The following ITGB6 variants were observed in gnomAD, a reference collection of about 807,000 sequenced individuals.
ITGB6 encodes integrin subunit beta 6.
ITGB6 carries 80 observed loss-of-function variants against 84.5 expected under a neutral mutation model. The observed-to-expected ratio is 0.95, with a 90% CI of 0.79 to 1.14. ITGB6 has a LOEUF of 1.14. ITGB6 is among the 50% of genes most tolerant of loss of function. The pLI, the probability that ITGB6 is intolerant of heterozygous loss-of-function variation, is 0.00. For missense variants in ITGB6, 1,006 were observed against 968.0 expected (o/e 1.04, Z -0.52); for synonymous variants, 383 against 354.9 (o/e 1.08, Z -0.89).
chr2:160,108,214 A>AGTGTGTGTGT (rs57363305), intron 13 of ITGB6, among the ~76,000 whole-genome samples: 8,455 of 142,696 alleles, frequency 0.059, 360 homozygotes, highest in African/African-American at 0.11. Context: ...GCAGAAATGG[A>AGTGTGTGTGT]GTGTGTGTGT....
intron 11 of ITGB6, among the ~76,000 whole-genome samples, chr2:160,124,818 A>G (rs1299145768): frequency 2.0e-5 from 3 of 152,210 alleles, no homozygotes; most frequent in Non-Finnish European, 4.4e-5. Flanking sequence ...GTTCCTTTGC[A>G]GTGGAAGCCT....
intron 4 of ITGB6, among the ~76,000 whole-genome samples, chr2:160,177,092 TG>T (rs1302365506): frequency 6.6e-6 from 1 of 152,192 alleles, no homozygotes; most frequent in Non-Finnish European, 1.5e-5. Context: ...ATGGCATCAT[TG>T]TTTTTTTTAA....
intron 13 of ITGB6, among the ~76,000 whole-genome samples, chr2:160,111,047 G>A (rs1574036351): frequency 2.0e-5 from 3 of 152,062 alleles, no homozygotes; most frequent in Admixed American, 6.5e-5. Context: ...AGAATGGCAT[G>A]TTGTGGTGCC....
chr2:160,182,005 C>A (rs1269431917), intron 4 of ITGB6, among the ~76,000 whole-genome samples: 1 of 152,088 alleles, frequency 6.6e-6, no homozygotes, highest in Non-Finnish European at 1.5e-5. Flanking sequence ...CATAAAATAC[C>A]AAAGGTAGAT....
intron 4 of ITGB6, among the ~76,000 whole-genome samples, chr2:160,187,295 C>T (rs1257788189): frequency 6.6e-6 from 1 of 152,066 alleles, no homozygotes; most frequent in African/African-American, 2.4e-5. Flanking sequence ...CAAAATCACA[C>T]ATTGGTTAAA....
rs745898382 is a variant in ITGB6, at chr2:160,126,564, C to A, written c.1698G>T (p.Arg566Ser). The change falls in exon 11 of 15, where the codon AGG becomes AGT. Residue 566 changes from arginine (R) to serine (S), a missense_variant. Arg to Ser is a moderately radical substitution (Grantham distance 110). Coordinates refer to ENST00000283249, the MANE Select transcript of ITGB6 (RefSeq NM_000888.5). ...TGCAGTACTCGCCAGTCCAGCCGCTCCTGCACACACATTCACCACAGTCAC... is the reference window on the plus strand; with the variant it reads ...TGCAGTACTCGCCAGTCCAGCCGCTACTGCACACACATTCACCACAGTCAC... ...GDCDCGECVC[R>S]SGWTGEYCNC... 1 of 1,613,848 alleles carries A rather than the reference C, an allele frequency of 6.2e-7. No homozygotes were observed. The highest frequency in any genetic ancestry group is 2.2e-5 in the East Asian group (1 of 44,878).
Position 160,200,123 on chromosome 2 carries a change from A to G in ITGB6, c.-60T>C, listed in dbSNP as rs1686501633. ...AATGAATTACCTTCAGCGTTACAAGACCAACGCTGAATATCGTTAAAGTCT... is the reference window on the plus strand; with the variant it reads ...AATGAATTACCTTCAGCGTTACAAGGCCAACGCTGAATATCGTTAAAGTCT... On this transcript the variant is annotated 5_prime_UTR_variant, in exon 1 of 15. Coordinates refer to ENST00000283249, the MANE Select transcript of ITGB6 (RefSeq NM_000888.5). 1 of 1,284,708 alleles carries G rather than the reference A, an allele frequency of 7.8e-7. No homozygotes were observed. Among genetic ancestry groups the G allele is most frequent in the Non-Finnish European group, 1.1e-6 (1 of 883,538 alleles). 79.6% of individuals were successfully genotyped at this position (1,284,708 alleles called of 1,614,324 possible).
At chr2:160,126,241 G>T (rs1336176290) in intron 11 of ITGB6, 138 bp downstream of exon 11, 9 of 711,954 alleles carry the variant, frequency 1.3e-5, no homozygotes, top group Admixed American at 2.4e-5. Context: ...AGGCCCTGTG[G>T]GTTTGTGTGT....
intron 4 of ITGB6, 74 bp downstream of exon 4, chr2:160,195,295 C>T: frequency 6.3e-7 from 1 of 1,576,520 alleles, no homozygotes. Context: ...AAGCTCCTGG[C>T]AAGTGCAGCT....
At position 160,144,732 on chromosome 2, in the gene ITGB6, C is replaced by T. The variant is rs112406635; in HGVS notation, c.1018-2661G>A. ...CTCCAAATTTGTGGTTAATTCTTGG[C>T]TAACAAAGCCAAACCCATCCACTTC... On this transcript the variant is annotated intron_variant, in intron 7 of 14. Coordinates refer to ENST00000283249, the MANE Select transcript of ITGB6 (RefSeq NM_000888.5). Among the ~76,000 whole-genome samples, 1,289 of 152,312 alleles carry T rather than the reference C, an allele frequency of 8.5e-3. 25 individuals carry two copies. The highest frequency in any genetic ancestry group is 0.03 in the African/African-American group (1,245 of 41,570).
chr2:160,155,040 T>C (rs1684571777), intron 7 of ITGB6, among the ~76,000 whole-genome samples: 1 of 152,210 alleles, frequency 6.6e-6, no homozygotes, highest in Admixed American at 6.5e-5. Context: ...CCCTTCTCTC[T>C]TCCTCCTTCT....
intron 11 of ITGB6, among the ~76,000 whole-genome samples, chr2:160,124,738 C>T (rs1468036323): frequency 2.6e-5 from 4 of 152,158 alleles, no homozygotes; most frequent in Admixed American, 1.3e-4. Context: ...CACCCGCACC[C>T]ATAACTCAGC....
intron 7 of ITGB6, among the ~76,000 whole-genome samples, chr2:160,145,447 C>T (rs981814420): frequency 6.0e-4 from 91 of 152,324 alleles, no homozygotes; most frequent in African/African-American, 2.1e-3. Context: ...TATCTCTTCA[C>T]TCGGCCCCAT....
intron 12 of ITGB6, among the ~76,000 whole-genome samples, chr2:160,119,524 A>T (rs1263080338): frequency 6.6e-6 from 1 of 152,034 alleles, no homozygotes; most frequent in Non-Finnish European, 1.5e-5. Flanking sequence ...TTCAAGATGG[A>T]TTAAAGACTT....
intron 4 of ITGB6, among the ~76,000 whole-genome samples, chr2:160,186,292 A>G (rs546004118): frequency 3.6e-4 from 54 of 151,902 alleles, no homozygotes; most frequent in African/African-American, 1.1e-3. Context: ...AAAAACATCA[A>G]AAAGTCGGCA....
intron 4 of ITGB6, among the ~76,000 whole-genome samples, chr2:160,185,288 G>A (rs1685849530): frequency 1.3e-5 from 2 of 152,118 alleles, no homozygotes; most frequent in Admixed American, 6.6e-5. Context: ...AAAGTCTCAG[G>A]ATACAAAATC....
intron 13 of ITGB6, among the ~76,000 whole-genome samples, chr2:160,108,635 G>A (rs6432593): frequency 0.79 from 120,013 of 152,154 alleles, 48,289 homozygotes; most frequent in African/African-American, 0.95. Flanking sequence ...ACAGCTTCCT[G>A]GACCCCTTCC....
intron 4 of ITGB6, among the ~76,000 whole-genome samples, chr2:160,189,926 T>C (rs1222477778): frequency 1.3e-5 from 2 of 152,152 alleles, no homozygotes; most frequent in African/African-American, 2.4e-5. Context: ...GCGGCACTAT[T>C]CACAATAGCA....
intron 14 of ITGB6, 145 bp from the exon 15 acceptor site, chr2:160,101,979 T>C (rs1270317079): frequency 3.3e-6 from 2 of 602,956 alleles, no homozygotes; most frequent in East Asian, 2.8e-5. Context: ...ATTTCATATG[T>C]TTAGTGTTTT....
Sources: allele counts gnomAD v4.1 joint callset (sites outside exome capture counted in the v4.1 genomes callset), GRCh38; gene constraint gnomAD v4.1.1; transcripts MANE v1.5; gene names NCBI Gene and HGNC (gene_info 2026-07-23, HGNC 2026-07-21).